Variants in ABCB9 observed in about 807,000 individuals in gnomAD.
ABCB9 encodes ATP binding cassette subfamily B member 9, also known as ABC-type oligopeptide transporter ABCB9.
A neutral mutation model predicts 62.0 loss-of-function variants in ABCB9; 36 were observed. That is an observed-to-expected ratio of 0.58 (90% confidence interval 0.45 to 0.77). ABCB9 has a LOEUF of 0.77. ABCB9 is among the 30% of genes least tolerant of loss of function. The pLI is 0.00. For missense variants in ABCB9, 943 were observed against 1,054.7 expected (o/e 0.89, Z 1.47); for synonymous variants, 435 against 461.4 (o/e 0.94, Z 0.73).
In ABCB9 at chr12:122,935,255, C is replaced by A. The variant is rs1157910401; in HGVS notation, c.1903+17G>T. On this transcript the variant is annotated intron_variant, in intron 10 of 11. Transcript: ENST00000280560. ...GACCCTGTGGGCCCAGGAGAGGGGCCACCCCCAGCTCCACACCTGTGCTGT... is the reference window on the plus strand; with the variant it reads ...GACCCTGTGGGCCCAGGAGAGGGGCAACCCCCAGCTCCACACCTGTGCTGT... 1.9e-6 allele frequency: 3 copies of A among 1,591,970 alleles called. No homozygotes were observed. The highest frequency in any genetic ancestry group is 1.7e-6 in the Non-Finnish European group (2 of 1,168,110).
Position 122,940,935 on chromosome 12 carries a change from C to CGG in ABCB9, c.1440_1441insCC (p.Glu481ProfsTer30). ...ATGGTCGGCTGCCGGTCGATGAACT[C>CGG]GAACACCTTCTCAGCAGCCCCCACT... is the stretch of plus-strand genomic sequence containing the variant. On this transcript the variant is annotated frameshift_variant, in exon 8 of 12. Coordinates refer to ENST00000280560, the MANE Select transcript of ABCB9 (RefSeq NM_019625.4). LOFTEE classifies it high-confidence loss of function. This position sits in a 1 kb window ranked among gnomAD's most constrained non-coding sequence, Gnocchi z 4.8. The CGG allele has an allele frequency of 6.2e-7, 1 of 1,612,798 alleles. No individual in the cohort carries two copies. The highest frequency in any genetic ancestry group is 1.1e-5 in the South Asian group (1 of 90,792).
At position 122,948,723 on chromosome 12, in the gene ABCB9, C is replaced by T; in HGVS notation, c.954G>A (p.Val318=). The T allele has an allele frequency of 6.2e-7, 1 of 1,614,038 alleles. No homozygotes were observed. The highest frequency in any genetic ancestry group is 8.5e-7 in the Non-Finnish European group (1 of 1,179,942). ...GCCATGAGAGGCTGAACATGAAGAC[C>T]ACCACGCCCGTGACCTTGACTGTGT... ...LRNTVKVTGV[V]VFMFSLSWQL... The change falls in exon 5 of 12, where the codon GTG becomes GTA. Residue 318 remains valine, a synonymous_variant. Coordinates refer to ENST00000280560, the MANE Select transcript of ABCB9 (RefSeq NM_019625.4).
chr12:122,945,703 C>T (rs1373167234), intron 6 of ABCB9, among the ~76,000 whole-genome samples: 1 of 152,064 alleles, frequency 6.6e-6, no homozygotes, highest in East Asian at 1.9e-4. Context: ...GATAGTGAAA[C>T]CCCGTCTCTA....
At position 122,935,285 on chromosome 12, in the gene ABCB9, G is replaced by A. The variant is rs201983318; in HGVS notation, c.1890C>T (p.Asp630=). ...CCAGCTCCACACCTGTGCTGTAGCCGTCCTGGAGTTCCATGATGAAGCCGT... is the reference window on the plus strand; with the variant it reads ...CCAGCTCCACACCTGTGCTGTAGCCATCCTGGAGTTCCATGATGAAGCCGT... ...NAHGFIMELQ[D]GYSTETGEKG... is the part of the protein sequence containing the mutation. The change falls in exon 10 of 12, where the codon GAC becomes GAT. Residue 630 remains aspartate (D), a synonymous_variant. Transcript: ENST00000280560. 3.9e-5 allele frequency: 62 copies of A among 1,610,094 alleles called. No homozygotes were observed. Among genetic ancestry groups the A allele is most frequent in the African/African-American group, 3.3e-4 (25 of 74,946 alleles).
chr12:122,944,638 A>G lies in ABCB9; in HGVS notation c.1252-119T>C. 7.0e-7 allele frequency: 1 copy of G among 1,422,728 alleles called. No homozygotes were observed. Among genetic ancestry groups the G allele is most frequent in the East Asian group, 2.4e-5 (1 of 41,738 alleles). 88.1% of individuals were successfully genotyped at this position (1,422,728 alleles called of 1,614,324 possible). ...AGGGCAGACCCAGCCACAAACTGAA[A>G]TGCCGGCCGTTGGCAGGGGTGTCTT... On this transcript the variant is annotated intron_variant, in intron 6 of 11. Transcript: ENST00000280560. This position sits in a 1 kb window ranked among gnomAD's most constrained non-coding sequence, Gnocchi z 4.9.
At position 122,944,918 on chromosome 12, in the gene ABCB9, G is replaced by T. The variant is rs1259226104; in HGVS notation, c.1252-399C>A. On this transcript the variant is annotated intron_variant, in intron 6 of 11. Coordinates refer to ENST00000280560, the MANE Select transcript of ABCB9 (RefSeq NM_019625.4). This position sits in a 1 kb window ranked among gnomAD's most constrained non-coding sequence, Gnocchi z 4.9. ...AGCTCTCTGTCTCCTCCCCCAGTGG[G>T]GTTCCGTGAAGAAGGGGCTGTGATG... is the stretch of plus-strand genomic sequence containing the variant. 6.6e-6 allele frequency among the ~76,000 whole-genome samples: 1 copy of T among 152,228 alleles called. No homozygotes were observed. Among genetic ancestry groups the T allele is most frequent in the Non-Finnish European group, 1.5e-5 (1 of 68,038 alleles).
intron 6 of ABCB9, 90 bp downstream of exon 6, chr12:122,945,935 C>A: frequency 7.6e-6 from 8 of 1,059,588 alleles, no homozygotes; most frequent in Non-Finnish European, 1.1e-5. Context: ...TTGACACCAA[C>A]ATGCAGGACT....
chr12:122,950,381 CA>C, intron 3 of ABCB9, 69 bp downstream of exon 3: 1 of 1,425,542 alleles, frequency 7.0e-7, no homozygotes, highest in Non-Finnish European at 9.5e-7. Flanking sequence ...TCCTTAGGAA[CA>C]GGCCCTCCCT....
Position 122,960,330 on chromosome 12 carries a change from G to A in ABCB9, c.-87-8C>T. ...CACAGGGCGAGGCCAGGCCTGTAGG[G>A]ACAACAGCAAACATCAGCACAAGGG... On this transcript the variant is annotated splice_polypyrimidine_tract_variant and splice_region_variant and intron_variant, in intron 1 of 11. Coordinates refer to ENST00000280560, the MANE Select transcript of ABCB9 (RefSeq NM_019625.4). 1.4e-6 allele frequency: 2 copies of A among 1,476,300 alleles called. No individual in the cohort carries two copies. The highest frequency in any genetic ancestry group is 9.0e-7 in the Non-Finnish European group (1 of 1,107,428). 91.5% of individuals were successfully genotyped at this position (1,476,300 alleles called of 1,614,324 possible).
At chr12:122,949,666 C>G in intron 4 of ABCB9, 122 bp downstream of exon 4, 1 of 1,317,032 alleles carries the variant, frequency 7.6e-7, no homozygotes, top group Non-Finnish European at 1.1e-6. Context: ...CCTGAACTAA[C>G]AGCAGGAGGA....
At chr12:122,965,160 GA>G (rs2037106412) in intron 1 of ABCB9, among the ~76,000 whole-genome samples, 1 of 152,186 alleles carries the variant, frequency 6.6e-6, no homozygotes, top group Non-Finnish European at 1.5e-5. Context: ...TGGGGAGACA[GA>G]AGAGGTTAAG....
In ABCB9 at chr12:122,940,416, G is replaced by T; in HGVS notation, c.1570-132C>A. The T allele has an allele frequency of 9.6e-7, 1 of 1,041,856 alleles. No individual in the cohort carries two copies. The highest frequency in any genetic ancestry group is 1.4e-6 in the Non-Finnish European group (1 of 733,472). The allele number at this position is 1,041,856 out of a possible 1,614,324, so 64.5% of individuals were successfully genotyped here. A position where few individuals can be genotyped will look rare whatever the true frequency, so the allele number is the denominator to read the frequency against. ...CCTCTCCCTCGCTTGGGCACTGCTG[G>T]CCCCTAAACGTTCTTTCTAAGACAC... On this transcript the variant is annotated intron_variant, in intron 8 of 11. Coordinates refer to ENST00000280560, the MANE Select transcript of ABCB9 (RefSeq NM_019625.4). This position sits in a 1 kb window ranked among gnomAD's most constrained non-coding sequence, Gnocchi z 4.8.
At chr12:122,943,796 G>A (rs2035893372) in intron 7 of ABCB9, among the ~76,000 whole-genome samples, 1 of 151,192 alleles carries the variant, frequency 6.6e-6, no homozygotes, top group Non-Finnish European at 1.5e-5. Flanking sequence ...TTCTTTTTGA[G>A]ACACGGTCTC....
chr12:122,935,461 G>T, intron 9 of ABCB9, 30 bp from the exon 10 acceptor site: 1 of 1,600,436 alleles, frequency 6.2e-7, no homozygotes, highest in South Asian at 1.1e-5. Flanking sequence ...GAGCATGAGA[G>T]GCCAGGAATG....
chr12:122,940,417 C>T lies in ABCB9; in HGVS notation c.1570-133G>A. ...CTCTCCCTCGCTTGGGCACTGCTGG[C>T]CCCTAAACGTTCTTTCTAAGACACT... On this transcript the variant is annotated intron_variant, in intron 8 of 11. Transcript: ENST00000280560. The surrounding 1 kb of genome is among the most constrained non-coding windows in gnomAD (Gnocchi z 4.8). The T allele has an allele frequency of 1.9e-6, 2 of 1,044,162 alleles. No homozygotes were observed. Among genetic ancestry groups the T allele is most frequent in the Non-Finnish European group, 2.7e-6 (2 of 735,560 alleles). The allele number at this position is 1,044,162 out of a possible 1,614,324, so 64.7% of individuals were successfully genotyped here. A position where few individuals can be genotyped will look rare whatever the true frequency, so the allele number is the denominator to read the frequency against.
At position 122,948,689 on chromosome 12, in the gene ABCB9, A is replaced by C. The variant is rs1438242817; in HGVS notation, c.988T>G (p.Leu330Val). The change falls in exon 5 of 12, where the codon TTG (leucine) becomes GTG (valine). Residue 330 changes from leucine to valine, a missense_variant. By Grantham distance (32) the Leu-to-Val change is conservative. Transcript: ENST00000280560. ...ATGGGGAAGCCCATGAAGGTGACCA[A>C]GGAGAGCTGCCATGAGAGGCTGAAC... is the stretch of plus-strand genomic sequence containing the variant. ...FMFSLSWQLS[L>V]VTFMGFPIIM... 6.2e-7 allele frequency: 1 copy of C among 1,613,888 alleles called. No homozygotes were observed. The highest frequency in any genetic ancestry group is 1.3e-5 in the African/African-American group (1 of 74,916).
chr12:122,941,552 G>A (rs1263496218), intron 7 of ABCB9, among the ~76,000 whole-genome samples: 4 of 151,798 alleles, frequency 2.6e-5, no homozygotes, highest in Non-Finnish European at 4.4e-5. Flanking sequence ...TAAGTGATCC[G>A]CCCACCTCAC....
At chr12:122,939,005 G>A (rs950166829) in intron 9 of ABCB9, among the ~76,000 whole-genome samples, 3 of 151,782 alleles carry the variant, frequency 2.0e-5, no homozygotes, top group African/African-American at 4.8e-5. Context: ...AACCCTGTCT[G>A]TACTAAAAAT....
rs1438242817 is a variant in ABCB9, at chr12:122,948,689, A to G, written c.988T>C (p.Leu330=). The change falls in exon 5 of 12, where the codon TTG becomes CTG. Residue 330 remains leucine, a synonymous_variant. Transcript: ENST00000280560. ...FMFSLSWQLS[L]VTFMGFPIIM... Reference sequence around the variant, plus strand: ...ATGGGGAAGCCCATGAAGGTGACCAAGGAGAGCTGCCATGAGAGGCTGAAC... The same window carrying G: ...ATGGGGAAGCCCATGAAGGTGACCAGGGAGAGCTGCCATGAGAGGCTGAAC... 1 of 1,614,006 alleles carries G rather than the reference A, an allele frequency of 6.2e-7. No individual in the cohort carries two copies. Among genetic ancestry groups the G allele is most frequent in the Admixed American group, 1.7e-5 (1 of 60,002 alleles).
Sources: gnomAD v4.1 joint callset for allele counts (sites outside exome capture counted in the v4.1 genomes callset) on GRCh38, gnomAD v4.1.1 for gene constraint, Gnocchi (gnomAD v3.1) non-coding constraint, MANE v1.5 for transcripts, NCBI Gene and HGNC (gene_info 2026-07-23, HGNC 2026-07-21) for gene names.